Variants in PDE9A observed in about 807,000 individuals in gnomAD.
PDE9A encodes phosphodiesterase 9A.
In PDE9A, 60 loss-of-function variants were observed where a neutral mutation model predicts 87.4. The observed-to-expected ratio is 0.69, with a 90% CI of 0.56 to 0.85. The LOEUF (loss-of-function observed/expected upper bound fraction) is 0.85, where lower values mean the gene tolerates loss of function less well. Ranked by LOEUF, PDE9A falls within the 40% of genes least tolerant of loss-of-function variation. PDE9A has a pLI of 0.00. For missense variants in PDE9A, 665 were observed against 779.0 expected (o/e 0.85, Z 1.74); for synonymous variants, 272 against 279.4 (o/e 0.97, Z 0.27).
intron 1 of PDE9A, among the ~76,000 whole-genome samples, chr21:42,673,190 G>T (rs2058658031): frequency 6.6e-6 from 1 of 152,122 alleles, no homozygotes; most frequent in Non-Finnish European, 1.5e-5. Flanking sequence ...ATCTTCCCTG[G>T]GTCAAGCTGG....
At chr21:42,685,483 T>TTTTTTTTTTTTTTTA (rs71190435) in intron 1 of PDE9A, among the ~76,000 whole-genome samples, 5 of 149,968 alleles carry the variant, frequency 3.3e-5, no homozygotes, top group East Asian at 2.0e-4. Flanking sequence ...TTTTTTTTTT[T>TTTTTTTTTTTTTTTA]GAGACGGAGT....
chr21:42,752,429 C>T (rs535948498), intron 9 of PDE9A, among the ~76,000 whole-genome samples: 71 of 152,188 alleles, frequency 4.7e-4, no homozygotes, highest in Admixed American at 1.6e-3. Context: ...CCGCCATGCC[C>T]GGCTAATTAC....
chr21:42,693,337 C>A (rs2059964085), intron 3 of PDE9A, among the ~76,000 whole-genome samples: 1 of 148,322 alleles, frequency 6.7e-6, no homozygotes. Flanking sequence ...CTGGCTCTGT[C>A]GCCCAGGCTG....
chr21:42,717,212 C>G (rs2050011703), intron 4 of PDE9A, among the ~76,000 whole-genome samples: 1 of 150,920 alleles, frequency 6.6e-6, no homozygotes, highest in Admixed American at 6.6e-5. Context: ...CACTCTAAAG[C>G]ATTTCTTTTT....
intron 17 of PDE9A, among the ~76,000 whole-genome samples, chr21:42,770,315 C>T (rs1169657846): frequency 2.6e-5 from 4 of 152,168 alleles, no homozygotes; most frequent in African/African-American, 7.2e-5. Context: ...TCCTGGGCTC[C>T]TACGCTGCGC....
intron 1 of PDE9A, among the ~76,000 whole-genome samples, chr21:42,655,230 CACTT>C (rs773752319): frequency 6.6e-6 from 1 of 152,240 alleles, no homozygotes; most frequent in Non-Finnish European, 1.5e-5. Flanking sequence ...CATGCACACA[CACTT>C]TTTCTGCCCG....
At position 42,729,307 on chromosome 21, in the gene PDE9A, C is replaced by G. The variant is rs2051476763; in HGVS notation, c.263-2463C>G. Among the ~76,000 whole-genome samples the G allele has an allele frequency of 2.6e-5, 4 of 152,180 alleles. No individual in the cohort carries two copies. The South Asian group carries it at 8.3e-4, about 32-fold the overall frequency. ...GCATTTGTAGTGTTCCCGTATTATC[C>G]TTTTGATGTCTGCAGGGTCTGTAGT... On this transcript the variant is annotated intron_variant, in intron 4 of 19. Transcript: ENST00000291539.
intron 2 of PDE9A, among the ~76,000 whole-genome samples, chr21:42,687,460 C>T (rs2059539557): frequency 6.6e-6 from 1 of 152,026 alleles, no homozygotes; most frequent in East Asian, 1.9e-4. Flanking sequence ...TGCAAGAGGC[C>T]CCAAAACATG....
At position 42,704,419 on chromosome 21, in the gene PDE9A, C is replaced by T. The variant is rs942904765; in HGVS notation, c.262+5408C>T. Among the ~76,000 whole-genome samples, 2 of 141,844 alleles carry T rather than the reference C, an allele frequency of 1.4e-5. No individual in the cohort carries two copies. The highest frequency in any genetic ancestry group is 2.8e-5 in the African/African-American group (1 of 35,980). 93.1% of individuals were successfully genotyped at this position (141,844 alleles called of 152,430 possible). A position where few individuals can be genotyped will look rare whatever the true frequency, so the allele number is the denominator to read the frequency against. ...GACAAAGTCGGTGTCAGGTAGACCC[C>T]CCCCACCCCACCAAACACACACACA... is the stretch of plus-strand genomic sequence containing the variant. On this transcript the variant is annotated intron_variant, in intron 4 of 19. Transcript: ENST00000291539. The surrounding 1 kb of genome is among the most constrained non-coding windows in gnomAD (Gnocchi z 5.3).
At chr21:42,690,703 A>G (rs2059778052) in intron 3 of PDE9A, among the ~76,000 whole-genome samples, 2 of 151,914 alleles carry the variant, frequency 1.3e-5, no homozygotes, top group South Asian at 4.2e-4. Context: ...TGCCTCTCCC[A>G]CACGGCTGCC....
At chr21:42,740,759 A>AGATAGACAG (rs2053151580) in intron 7 of PDE9A, among the ~76,000 whole-genome samples, 3 of 125,966 alleles carry the variant, frequency 2.4e-5, no homozygotes, top group African/African-American at 9.6e-5. Flanking sequence ...TAAACAGGAT[A>AGATAGACAG]GATAGATAGA....
At chr21:42,748,653 A>G (rs1327965049) in intron 8 of PDE9A, among the ~76,000 whole-genome samples, 1 of 152,228 alleles carries the variant, frequency 6.6e-6, no homozygotes, top group African/African-American at 2.4e-5. Flanking sequence ...TTAAACCTGG[A>G]CACGAGGCCT....
At chr21:42,748,152 C>T (rs1480051819) in intron 8 of PDE9A, among the ~76,000 whole-genome samples, 1 of 152,236 alleles carries the variant, frequency 6.6e-6, no homozygotes, top group Non-Finnish European at 1.5e-5. Context: ...AGAGACAGCA[C>T]ATGTGCGAAT....
chr21:42,763,827 C>T (rs1285547597), intron 14 of PDE9A, among the ~76,000 whole-genome samples: 1 of 152,220 alleles, frequency 6.6e-6, no homozygotes, highest in Non-Finnish European at 1.5e-5. Flanking sequence ...GCAGCAGCCT[C>T]TTCTACCATG....
rs374053390 is a variant in PDE9A, at chr21:42,769,065, G to A, written c.1500G>A (p.Pro500=). ...AGTCAGAAGGCCTTCCTGTGGCACC[G>A]TTCATGGACCGAGACAAAGTGACCA... ...REKSEGLPVA[P]FMDRDKVTKA... The change falls in exon 17 of 20, where the codon CCG becomes CCA. Residue 500 remains proline (P), a synonymous_variant. Coordinates refer to ENST00000291539, the MANE Select transcript of PDE9A (RefSeq NM_002606.3). 1.5e-5 allele frequency: 25 copies of A among 1,613,488 alleles called. No homozygotes were observed. Among genetic ancestry groups the A allele is most frequent in the South Asian group, 5.5e-5 (5 of 91,052 alleles).
At chr21:42,681,485 G>A (rs2059162160) in intron 1 of PDE9A, among the ~76,000 whole-genome samples, 1 of 152,172 alleles carries the variant, frequency 6.6e-6, no homozygotes, top group Admixed American at 6.5e-5. Flanking sequence ...AAACATCTTA[G>A]ACTAGTGCTT....
rs767218501 is a variant in PDE9A, at chr21:42,739,318, T to A, written c.569-4458T>A. 1.4e-4 allele frequency among the ~76,000 whole-genome samples: 21 copies of A among 152,096 alleles called. No homozygotes were observed. Among genetic ancestry groups the A allele is most frequent in the Non-Finnish European group, 2.6e-4 (18 of 68,008 alleles). ...CCGCCCCACAGGACTGGCCCGCTCC[T>A]CCCTCTGGATTGAGGTGGAGCAGGG... On this transcript the variant is annotated intron_variant, in intron 7 of 19. Coordinates refer to ENST00000291539, the MANE Select transcript of PDE9A (RefSeq NM_002606.3). This position sits in a 1 kb window ranked among gnomAD's most constrained non-coding sequence, Gnocchi z 4.1.
At chr21:42,721,763 C>G (rs989048878) in intron 4 of PDE9A, among the ~76,000 whole-genome samples, 1 of 152,042 alleles carries the variant, frequency 6.6e-6, no homozygotes, top group Non-Finnish European at 1.5e-5. Context: ...GGGAAGCCTT[C>G]CAGCCCTTCC....
intron 4 of PDE9A, among the ~76,000 whole-genome samples, chr21:42,711,037 T>C (rs2049289135): frequency 6.6e-6 from 1 of 152,192 alleles, no homozygotes; most frequent in African/African-American, 2.4e-5. Context: ...CTGGCTTGTA[T>C]TATTTTTGTC....
Sources: allele counts gnomAD v4.1 joint callset (sites outside exome capture counted in the v4.1 genomes callset), GRCh38; gene constraint gnomAD v4.1.1; non-coding constraint Gnocchi (gnomAD v3.1); transcripts MANE v1.5; gene names NCBI Gene and HGNC (gene_info 2026-07-23, HGNC 2026-07-21).